Variants in PPIL2 observed in about 807,000 individuals in gnomAD.
PPIL2 encodes peptidylprolyl isomerase like 2, also known as RING-type E3 ubiquitin-protein ligase PPIL2.
A neutral mutation model predicts 75.2 loss-of-function variants in PPIL2; 50 were observed. The observed-to-expected ratio is 0.66, with a 90% CI of 0.53 to 0.84. PPIL2 has a LOEUF of 0.84. Among genes scored for constraint, PPIL2 ranks in the 40% least tolerant of loss-of-function variants. The pLI is 0.00. For synonymous variants in PPIL2, 245 were observed against 258.8 expected (o/e 0.95, Z 0.51); for missense variants, 590 against 685.0 (o/e 0.86, Z 1.55).
chr22:21,687,584 T>C, intron 12 of PPIL2, 59 bp from the exon 13 acceptor site: 1 of 639,532 alleles, frequency 1.6e-6, no homozygotes, highest in Non-Finnish European at 2.7e-6. Flanking sequence ...CTCCTGTGGC[T>C]GTGGTGAGCT....
Position 21,679,000 on chromosome 22 carries a change from G to A in PPIL2, c.296-2299G>A, listed in dbSNP as rs531163380. Among the ~76,000 whole-genome samples the A allele has an allele frequency of 4.3e-3, 643 of 151,208 alleles. 3 individuals carry two copies. Among genetic ancestry groups the A allele is most frequent in the Non-Finnish European group, 6.8e-3 (462 of 67,900 alleles). On this transcript the variant is annotated intron_variant, in intron 6 of 19. Transcript: ENST00000398831. Reference sequence around the variant, plus strand: ...CAACCTCCGCCTCTTGGGTTCAAGCGATTCTCCTGGCTCAGCCTCCCGAGT... The same window carrying A: ...CAACCTCCGCCTCTTGGGTTCAAGCAATTCTCCTGGCTCAGCCTCCCGAGT...
intron 4 of PPIL2, among the ~76,000 whole-genome samples, chr22:21,671,890 A>G (rs775860984): frequency 6.6e-6 from 1 of 152,086 alleles, no homozygotes; most frequent in Non-Finnish European, 1.5e-5. Flanking sequence ...GTGTCTACAA[A>G]AAAGTGCAAA....
At chr22:21,693,692 C>A in intron 15 of PPIL2, 124 bp from the exon 16 acceptor site, 1 of 968,910 alleles carries the variant, frequency 1.0e-6, no homozygotes, top group Non-Finnish European at 1.6e-6. Flanking sequence ...TGCACACATG[C>A]GTCCGTGGAA....
chr22:21,684,289 G>GGC (rs576536643), intron 9 of PPIL2, among the ~76,000 whole-genome samples: 2 of 116,858 alleles, frequency 1.7e-5, no homozygotes, highest in Non-Finnish European at 1.8e-5. Context: ...TTACAAGATT[G>GGC]TAACACAAAA....
chr22:21,684,859 T>C lies in PPIL2; in HGVS notation c.660T>C (p.Ile220=). ...ELYKEFKGDE[I]LAATMKAPEK... ...ACAAGGAGTTCAAAGGGGACGAGATTCTGGCAGCCACCATGAAGGCCCCGG... is the reference window on the plus strand; with the variant it reads ...ACAAGGAGTTCAAAGGGGACGAGATCCTGGCAGCCACCATGAAGGCCCCGG... Residue 220 remains isoleucine, a synonymous_variant, in exon 10 of 20, where the codon ATT becomes ATC. Coordinates refer to ENST00000398831, the MANE Select transcript of PPIL2 (RefSeq NM_014337.4). The C allele has an allele frequency of 6.2e-7, 1 of 1,614,028 alleles. No homozygotes were observed. Among genetic ancestry groups the C allele is most frequent in the Non-Finnish European group, 8.5e-7 (1 of 1,179,942 alleles).
chr22:21,690,048 C>T (rs370481943), intron 15 of PPIL2, among the ~76,000 whole-genome samples: 17 of 152,220 alleles, frequency 1.1e-4, no homozygotes, highest in South Asian at 4.2e-4. Context: ...CTGCATGTTA[C>T]GAGCAGGGCT....
In PPIL2 at chr22:21,669,827, T is replaced by C. The variant is rs1452346919; in HGVS notation, c.33-86T>C. The C allele has an allele frequency of 7.2e-6, 10 of 1,384,506 alleles. No individual in the cohort carries two copies. In the Admixed American group the frequency reaches 1.5e-4, roughly 21 times the overall value. 85.8% of individuals were successfully genotyped at this position (1,384,506 alleles called of 1,614,324 possible). On this transcript the variant is annotated intron_variant, in intron 1 of 19. Transcript: ENST00000398831. ...TAGTAGGTATTTAGTAAGCATTTGC[T>C]GAGTAAGCAAAGATTACTCACTTCC...
At position 21,693,755 on chromosome 22, in the gene PPIL2, T is replaced by C; in HGVS notation, c.1140-61T>C. 2.7e-6 allele frequency: 4 copies of C among 1,491,274 alleles called. No homozygotes were observed. The South Asian group carries it at 3.4e-5, about 13-fold the overall frequency. The allele number at this position is 1,491,274 out of a possible 1,614,324, so 92.4% of individuals were successfully genotyped here. On this transcript the variant is annotated intron_variant, in intron 15 of 19. Transcript: ENST00000398831. Reference sequence around the variant, plus strand: ...AGGGTGGGCAGCTCCTGGTGTGCTCTTAGGCAGGCCAGGTGCAGAAGGTGC... The same window carrying C: ...AGGGTGGGCAGCTCCTGGTGTGCTCCTAGGCAGGCCAGGTGCAGAAGGTGC...
chr22:21,692,736 T>C (rs1183684009), intron 15 of PPIL2, among the ~76,000 whole-genome samples: 2 of 151,194 alleles, frequency 1.3e-5, no homozygotes, highest in Non-Finnish European at 2.9e-5. Context: ...CCATCCTGGC[T>C]AACACAGTGA....
chr22:21,666,236 C>A, intron 1 of PPIL2, 105 bp downstream of exon 1: 1 of 1,346,042 alleles, frequency 7.4e-7, no homozygotes, highest in Non-Finnish European at 1.0e-6. Flanking sequence ...CCCCAGAGCA[C>A]AGCCCAAAGG....
intron 15 of PPIL2, among the ~76,000 whole-genome samples, chr22:21,692,446 G>C (rs573443717): frequency 1.3e-5 from 2 of 151,940 alleles, no homozygotes; most frequent in Admixed American, 1.3e-4. Context: ...GAGCCACTGT[G>C]CCTGGCCAAT....
rs1181940180 is a variant in PPIL2, at chr22:21,688,793, G to C, written c.1083G>C (p.Thr361=). 3 of 1,614,234 alleles carry C rather than the reference G, an allele frequency of 1.9e-6. No individual in the cohort carries two copies. Among genetic ancestry groups the C allele is most frequent in the East Asian group, 2.2e-5 (1 of 44,880 alleles). The change falls in exon 15 of 20, where the codon ACG becomes ACC. Residue 361 remains threonine, a synonymous_variant. Coordinates refer to ENST00000398831, the MANE Select transcript of PPIL2 (RefSeq NM_014337.4). ...KDEFRPNLSH[T]GRGILSMANS... ...AGTTCCGGCCCAACCTCTCGCACAC[G>C]GGCCGCGGCATCCTCAGCATGGCCA...
At chr22:21,675,534 C>CA (rs936314608) in intron 6 of PPIL2, among the ~76,000 whole-genome samples, 15 of 142,896 alleles carry the variant, frequency 1.0e-4, no homozygotes, top group African/African-American at 2.3e-4. Flanking sequence ...GACTCTGTCT[C>CA]AAAAAAAAAA....
chr22:21,689,732 G>T (rs2067540260), intron 15 of PPIL2, among the ~76,000 whole-genome samples: 1 of 152,236 alleles, frequency 6.6e-6, no homozygotes, highest in Admixed American at 6.5e-5. Flanking sequence ...ATCTTGCTGT[G>T]CTCCACAGAA....
chr22:21,681,458 C>CAGCCCAGCCAG, intron 7 of PPIL2, 68 bp downstream of exon 7: 1 of 1,400,390 alleles, frequency 7.1e-7, no homozygotes, highest in Non-Finnish European at 1.0e-6. Flanking sequence ...CTAGTATACA[C>CAGCCCAGCCAG]TGGCTGGGCT....
chr22:21,682,624 C>T, intron 8 of PPIL2, 98 bp downstream of exon 8: 3 of 1,049,732 alleles, frequency 2.9e-6, no homozygotes, highest in Admixed American at 2.2e-5. Context: ...CCCCTCATAT[C>T]TGTCCTCAAA....
chr22:21,689,680 C>T (rs1328233147), intron 15 of PPIL2, among the ~76,000 whole-genome samples: 3 of 152,294 alleles, frequency 2.0e-5, no homozygotes, highest in East Asian at 1.9e-4. Context: ...GTCACGTCAC[C>T]GTCACGTCAC....
chr22:21,697,032 G>A lies in PPIL2; in HGVS notation c.*1542G>A. The A allele has an allele frequency of 6.5e-7, 1 of 1,529,892 alleles. No homozygotes were observed. The highest frequency in any genetic ancestry group is 8.8e-7 in the Non-Finnish European group (1 of 1,132,738). The allele number at this position is 1,529,892 out of a possible 1,614,324, so 94.8% of individuals were successfully genotyped here. A position where few individuals can be genotyped will look rare whatever the true frequency, so the allele number is the denominator to read the frequency against. On this transcript the variant is annotated 3_prime_UTR_variant, in exon 20 of 20. Coordinates refer to ENST00000398831, the MANE Select transcript of PPIL2 (RefSeq NM_014337.4). ...CATCCCTCTGCAGCCTGTCATCCCT[G>A]TCTGTGACCATTGGTCGGGCCCCTG...
At chr22:21,678,971 A>G (rs1244957261) in intron 6 of PPIL2, among the ~76,000 whole-genome samples, 5 of 144,894 alleles carry the variant, frequency 3.5e-5, no homozygotes, top group East Asian at 2.0e-4. Context: ...ATCTCGGCTC[A>G]CTGCAACCTC....
Sources: allele counts gnomAD v4.1 joint callset (sites outside exome capture counted in the v4.1 genomes callset), GRCh38; gene constraint gnomAD v4.1.1; transcripts MANE v1.5; gene names NCBI Gene and HGNC (gene_info 2026-07-23, HGNC 2026-07-21).